Variants in BBS7 observed in about 807,000 individuals in gnomAD.
BBS7 encodes the protein Bardet-Biedl syndrome 7.
A neutral mutation model predicts 90.3 loss-of-function variants in BBS7; 50 were observed. The observed-to-expected ratio is 0.55, with a 90% CI of 0.44 to 0.70. The LOEUF is 0.70. Among genes scored for constraint, BBS7 ranks in the 30% least tolerant of loss-of-function variants. The probability of loss-of-function intolerance (pLI) is 0.00; values close to 1 mark genes in which losing one functional copy is unlikely to be tolerated. For synonymous variants in BBS7, 235 were observed against 287.4 expected, an observed-to-expected ratio of 0.82 and a Z score of 1.85; for missense variants, 729 against 838.9, an observed-to-expected ratio of 0.87 and a Z score of 1.62.
intron 5 of BBS7, among the ~76,000 whole-genome samples, chr4:121,856,586 C>T (rs923483909): frequency 1.3e-5 from 2 of 151,890 alleles, no homozygotes; most frequent in Non-Finnish European, 2.9e-5. Flanking sequence ...GTGGTGCATG[C>T]CTGTAATCCC....
chr4:121,858,978 C>T lies in BBS7; in HGVS notation c.528+14G>A. 6.2e-7 allele frequency: 1 copy of T among 1,609,650 alleles called. No homozygotes were observed. The highest frequency in any genetic ancestry group is 1.1e-5 in the South Asian group (1 of 90,624). On this transcript the variant is annotated intron_variant, in intron 5 of 18. Coordinates refer to ENST00000264499, the MANE Select transcript of BBS7 (RefSeq NM_176824.3). The stretch of plus-strand genomic sequence containing the variant: ...CATAATATAAAAAATTAGAAAAATA[C>T]AAATAACAGCAACCTGTAAAACTCT...
rs1415912302 is a variant in BBS7, at chr4:121,828,699, T to C, written c.1706A>G (p.Asn569Ser). 6.2e-7 allele frequency: 1 copy of C among 1,604,290 alleles called. No homozygotes were observed. Among genetic ancestry groups the C allele is most frequent in the East Asian group, 2.2e-5 (1 of 44,558 alleles). The change falls in exon 16 of 19, where the codon AAC becomes AGC. Residue 569 changes from asparagine (N) to serine (S), a missense_variant. Physicochemically the swap from Asn to Ser is conservative, Grantham distance 46 (BLOSUM62 1). Transcript: ENST00000264499. ...RKGEGVFKSD[N>S]ISTISILKDV... ...TTTTAGGATGGAGATAGTAGAAATG[T>C]TGTCAGATTTAAAAACTCCCTCTCC...
intron 1 of BBS7, among the ~76,000 whole-genome samples, chr4:121,868,997 A>C (rs1204721860): frequency 2.0e-5 from 3 of 152,208 alleles, no homozygotes; most frequent in Non-Finnish European, 4.4e-5. Flanking sequence ...CAATCTAGCA[A>C]GTGATGTGAA....
At chr4:121,851,523 G>A (rs1226761226) in intron 8 of BBS7, among the ~76,000 whole-genome samples, 2 of 151,966 alleles carry the variant, frequency 1.3e-5, no homozygotes, top group African/African-American at 4.8e-5. Flanking sequence ...TGAAATTAGA[G>A]ATCCTGGGCA....
Position 121,861,666 on chromosome 4 carries a change from G to C in BBS7, c.179C>G (p.Thr60Ser). Residue 60 changes from threonine to serine, a missense_variant, in exon 4 of 19, where the codon ACT (threonine) becomes AGT (serine). Coordinates refer to ENST00000264499, the MANE Select transcript of BBS7 (RefSeq NM_176824.3). ...KKGEAAAVFK[T>S]LPGPKIARLE... is the part of the protein sequence containing the mutation. ...CCTTGCAATCTTCGGCCCGGGTAAA[G>C]TCTTGAACACTGCCTGAAAAAAATC... is the stretch of plus-strand genomic sequence containing the variant. 2 of 1,613,422 alleles carry C rather than the reference G, an allele frequency of 1.2e-6. No homozygotes were observed. The highest frequency in any genetic ancestry group is 1.7e-6 in the Non-Finnish European group (2 of 1,179,690).
chr4:121,867,137 C>T (rs933317819), intron 2 of BBS7, among the ~76,000 whole-genome samples: 1 of 151,630 alleles, frequency 6.6e-6, no homozygotes, highest in African/African-American at 2.4e-5. Flanking sequence ...TTATAGAGGT[C>T]TTTCATTTCC....
At chr4:121,833,455 T>C (rs1046813146) in intron 14 of BBS7, 60 bp from the exon 15 acceptor site, 34 of 1,461,640 alleles carry the variant, frequency 2.3e-5, no homozygotes, top group Admixed American at 6.8e-5. Flanking sequence ...GTATTATATG[T>C]ACACGTTAAT....
At chr4:121,828,012 C>T in intron 18 of BBS7, 134 bp downstream of exon 18, 2 of 1,486,632 alleles carry the variant, frequency 1.3e-6, no homozygotes, top group Non-Finnish European at 1.8e-6. Flanking sequence ...TTGTTGTCAA[C>T]TGATTCATGA....
At chr4:121,866,879 G>T (rs1028296457) in intron 2 of BBS7, among the ~76,000 whole-genome samples, 1 of 152,014 alleles carries the variant, frequency 6.6e-6, no homozygotes, top group Non-Finnish European at 1.5e-5. Flanking sequence ...CCCCAGCTTT[G>T]TTCCTTTTAC....
chr4:121,868,070 A>T (rs1190485576), intron 1 of BBS7, 24 bp from the exon 2 acceptor site: 1 of 1,589,300 alleles, frequency 6.3e-7, no homozygotes, highest in Admixed American at 1.7e-5. Context: ...CCAGATGCCT[A>T]GTGAATTTAA....
intron 7 of BBS7, among the ~76,000 whole-genome samples, chr4:121,854,048 G>C (rs1726466242): frequency 6.6e-6 from 1 of 151,958 alleles, no homozygotes; most frequent in South Asian, 2.1e-4. Context: ...TCAGATCTCA[G>C]TTCAAATTTC....
chr4:121,828,477 A>C lies in BBS7; in HGVS notation c.1815T>G (p.Thr605=). Residue 605 remains threonine (T), a synonymous_variant, in exon 17 of 19, where the codon ACT becomes ACG. Transcript: ENST00000264499. ...YEINEVSVKH[T]LKLIHPKLEY... is the part of the protein sequence containing the mutation. ...CCAGCTTTGGGTGGATTAGCTTTAA[A>C]GTGTGTTTGACTGATACTTCATTTA... 6.2e-7 allele frequency: 1 copy of C among 1,613,932 alleles called. No individual in the cohort carries two copies. The highest frequency in any genetic ancestry group is 8.5e-7 in the Non-Finnish European group (1 of 1,179,874).
At position 121,870,466 on chromosome 4, in the gene BBS7, G is replaced by A. The variant is rs1727530735; in HGVS notation, c.-153C>T. 1 of 787,976 alleles carries A rather than the reference G, an allele frequency of 1.3e-6. No homozygotes were observed. Among genetic ancestry groups the A allele is most frequent in the Non-Finnish European group, 2.2e-6 (1 of 461,096 alleles). 48.8% of individuals were successfully genotyped at this position (787,976 alleles called of 1,614,324 possible). Reference sequence around the variant, plus strand: ...CCTAGGTCCTGGGCTGCACAGGCGGGGCGACAGGGCAGTGGCGTCCTGCGT... The same window carrying A: ...CCTAGGTCCTGGGCTGCACAGGCGGAGCGACAGGGCAGTGGCGTCCTGCGT... On this transcript the variant is annotated 5_prime_UTR_variant, in exon 1 of 19. Coordinates refer to ENST00000264499, the MANE Select transcript of BBS7 (RefSeq NM_176824.3).
chr4:121,868,153 AT>A, intron 1 of BBS7, 107 bp from the exon 2 acceptor site: 1 of 834,224 alleles, frequency 1.2e-6, no homozygotes, highest in Non-Finnish European at 2.1e-6. Flanking sequence ...TGATATAACT[AT>A]TATCAGTAAT....
chr4:121,868,684 C>CAA (rs34910805), intron 1 of BBS7, among the ~76,000 whole-genome samples: 1,182 of 49,662 alleles, frequency 0.024, 416 homozygotes, highest in African/African-American at 0.031. Flanking sequence ...GACCCTGTTT[C>CAA]AAAAAAAAAA....
In BBS7 at chr4:121,825,948, G is replaced by A. The variant is rs764064252; in HGVS notation, c.2060C>T (p.Thr687Ile). Reference protein sequence around the residue: ...LFIDKFKFKGTNVKTKVPLLL... With the variant: ...LFIDKFKFKGINVKTKVPLLL... ...AAGGGGTACTTTAGTTTTTACATTGGTGCCTTTAAACTTAAATTTATCTAT... is the reference window on the plus strand; with the variant it reads ...AAGGGGTACTTTAGTTTTTACATTGATGCCTTTAAACTTAAATTTATCTAT... The change falls in exon 19 of 19, where the codon ACC (threonine) becomes ATC (isoleucine). Residue 687 changes from threonine to isoleucine, a missense_variant. Coordinates refer to ENST00000264499, the MANE Select transcript of BBS7 (RefSeq NM_176824.3). The A allele has an allele frequency of 1.9e-6, 3 of 1,609,058 alleles. No homozygotes were observed. Among genetic ancestry groups the A allele is most frequent in the Non-Finnish European group, 8.5e-7 (1 of 1,176,102 alleles).
chr4:121,866,309 T>C (rs962614775), intron 2 of BBS7, among the ~76,000 whole-genome samples: 3 of 152,186 alleles, frequency 2.0e-5, no homozygotes, highest in Admixed American at 6.6e-5. Flanking sequence ...ACCAATGTCC[T>C]AAAGCATTAA....
intron 8 of BBS7, among the ~76,000 whole-genome samples, chr4:121,851,213 T>C (rs2661556): frequency 0.066 from 9,987 of 151,960 alleles, 877 homozygotes; most frequent in East Asian, 0.19. Context: ...TTGGAAAACA[T>C]TACAAAAATT....
chr4:121,870,257 C>A, intron 1 of BBS7, 21 bp downstream of exon 1: 1 of 1,614,098 alleles, frequency 6.2e-7, no homozygotes, highest in African/African-American at 1.3e-5. Context: ...GCGCGGCGCC[C>A]GCCCTATCCC....
Sources: gnomAD v4.1 joint callset for allele counts (sites outside exome capture counted in the v4.1 genomes callset) on GRCh38, gnomAD v4.1.1 for gene constraint, MANE v1.5 for transcripts, NCBI Gene and HGNC (gene_info 2026-07-23, HGNC 2026-07-21) for gene names.